Variants in EHBP1 observed in about 807,000 individuals in gnomAD.
EHBP1 encodes the protein EH domain binding protein 1, also known as EH domain-binding protein 1.
EHBP1 carries 55 observed loss-of-function variants against 144.0 expected under a neutral mutation model. The observed-to-expected ratio is 0.38, with a 90% confidence interval of 0.31 to 0.48. The LOEUF (loss-of-function observed/expected upper bound fraction) is 0.48, where lower values mean the gene tolerates loss of function less well. EHBP1 is among the 20% of genes least tolerant of loss of function. The pLI is 0.98. For missense variants in EHBP1, 1,200 were observed against 1,364.2 expected, an observed-to-expected ratio of 0.88 and a Z score of 1.90; for synonymous variants, 469 against 472.7, an observed-to-expected ratio of 0.99 and a Z score of 0.10.
chr2:62,992,357 C>T (rs1159327510), intron 16 of EHBP1, among the ~76,000 whole-genome samples: 1 of 151,834 alleles, frequency 6.6e-6, no homozygotes, highest in Non-Finnish European at 1.5e-5. Flanking sequence ...CATTAGATAA[C>T]TTTAAAAAAA....
intron 10 of EHBP1, among the ~76,000 whole-genome samples, chr2:62,911,009 C>T (rs926771404): frequency 7.2e-5 from 11 of 152,140 alleles, no homozygotes; most frequent in Admixed American, 3.9e-4. Context: ...ATTCAGGTCC[C>T]GGCTTTCATA....
chr2:62,678,065 T>C (rs1184251199), intron 1 of EHBP1, among the ~76,000 whole-genome samples: 3 of 152,204 alleles, frequency 2.0e-5, no homozygotes, highest in African/African-American at 7.2e-5. Flanking sequence ...CCAAATGTTG[T>C]CCACAGTGGT....
chr2:62,928,840 CAAAAAAA>C (rs760426482), intron 10 of EHBP1, among the ~76,000 whole-genome samples: 2 of 65,262 alleles, frequency 3.1e-5, no homozygotes, highest in East Asian at 4.3e-4. Context: ...AGACTAAGAA[CAAAAAAA>C]AAAAAAAAAG....
intron 19 of EHBP1, among the ~76,000 whole-genome samples, chr2:63,035,698 C>G (rs1461924849): frequency 6.6e-6 from 1 of 152,022 alleles, no homozygotes; most frequent in African/African-American, 2.4e-5. Context: ...ATCATAAAAT[C>G]TACACCTATT....
At chr2:62,943,107 C>T (rs543759135) in intron 11 of EHBP1, among the ~76,000 whole-genome samples, 56 of 152,074 alleles carry the variant, frequency 3.7e-4, no homozygotes, top group Non-Finnish European at 5.6e-4. Context: ...CTGGGCGTGG[C>T]GGCTCACGCC....
intron 5 of EHBP1, among the ~76,000 whole-genome samples, chr2:62,810,114 A>T (rs995405288): frequency 3.9e-5 from 6 of 152,242 alleles, no homozygotes; most frequent in African/African-American, 1.4e-4. Flanking sequence ...TTTTTAAAAG[A>T]CTAGAGAAAA....
At chr2:62,795,542 T>A (rs2043478056) in intron 5 of EHBP1, among the ~76,000 whole-genome samples, 2 of 152,060 alleles carry the variant, frequency 1.3e-5, no homozygotes, top group Admixed American at 6.6e-5. Flanking sequence ...AGTTCCACTG[T>A]ACCCACCACT....
At chr2:62,859,391 AT>A in intron 8 of EHBP1, 100 bp downstream of exon 8, 1 of 1,128,854 alleles carries the variant, frequency 8.9e-7, no homozygotes. Context: ...CACACAAAAA[AT>A]TATTGTTTAT....
chr2:62,948,660 C>T lies in EHBP1; in HGVS notation c.1814C>T (p.Ala605Val), dbSNP rs766249241. The change falls in exon 13 of 23, where the codon GCC (alanine) becomes GTC (valine). Residue 605 changes from alanine to valine, a missense_variant. Coordinates refer to ENST00000431489, the MANE Select transcript of EHBP1 (RefSeq NM_001142616.3). ...GATGATCACCTTAGTCCAAGCACAG[C>T]CTCCCCTTACTGTCGCAGGACTAAA... The part of the protein sequence containing the change: ...TPDDHLSPST[A>V]SPYCRRTKSD... 5 of 1,613,958 alleles carry T rather than the reference C, an allele frequency of 3.1e-6. No homozygotes were observed. In the South Asian group the frequency reaches 4.4e-5, roughly 14 times the overall value.
chr2:62,893,584 A>G (rs2052629764), intron 10 of EHBP1, among the ~76,000 whole-genome samples: 1 of 152,262 alleles, frequency 6.6e-6, no homozygotes, highest in African/African-American at 2.4e-5. Context: ...AGAAATGTTT[A>G]TTAATGATAA....
At chr2:62,789,897 T>C (rs1331950855) in intron 5 of EHBP1, among the ~76,000 whole-genome samples, 2 of 152,242 alleles carry the variant, frequency 1.3e-5, no homozygotes, top group Non-Finnish European at 2.9e-5. Context: ...AACCCCTTTC[T>C]GATGCCAGTT....
intron 18 of EHBP1, 125 bp from the exon 19 acceptor site, chr2:62,996,518 G>C: frequency 8.4e-7 from 1 of 1,188,236 alleles, no homozygotes; most frequent in Non-Finnish European, 1.2e-6. Flanking sequence ...TTGCTTTTTG[G>C]TACTAAGGGT....
intron 13 of EHBP1, among the ~76,000 whole-genome samples, chr2:62,951,043 A>G (rs1243902473): frequency 1.3e-5 from 2 of 152,236 alleles, no homozygotes; most frequent in African/African-American, 4.8e-5. Context: ...CTTCCAAGTC[A>G]GTATACTGAT....
intron 6 of EHBP1, among the ~76,000 whole-genome samples, chr2:62,830,503 T>C (rs56078239): frequency 0.11 from 17,399 of 152,220 alleles, 1,327 homozygotes; most frequent in Non-Finnish European, 0.16. Flanking sequence ...TTTCATTTTT[T>C]ACTTGTTCAT....
chr2:62,961,398 A>G lies in EHBP1; in HGVS notation c.2460+5738A>G, dbSNP rs149101954. 6.1e-3 allele frequency among the ~76,000 whole-genome samples: 926 copies of G among 152,242 alleles called. 11 individuals are homozygous for G. The highest frequency in any genetic ancestry group is 0.021 in the African/African-American group (872 of 41,556). ...TCATTTGCTCCCTGAAATTATGTCT[A>G]TGGGAGACAGATTTCATTGCTCTGG... On this transcript the variant is annotated intron_variant, in intron 14 of 22. Transcript: ENST00000431489.
At chr2:62,727,791 C>T (rs142830007) in intron 2 of EHBP1, among the ~76,000 whole-genome samples, 1 of 152,290 alleles carries the variant, frequency 6.6e-6, no homozygotes, top group East Asian at 1.9e-4. Flanking sequence ...ATCACAGGCT[C>T]TTTGGCTCCC....
intron 1 of EHBP1, among the ~76,000 whole-genome samples, chr2:62,687,822 A>T (rs963042364): frequency 6.6e-6 from 1 of 152,212 alleles, no homozygotes; most frequent in East Asian, 1.9e-4. Context: ...GTGTGTCCTT[A>T]TAAAGTATGA....
At chr2:62,773,574 T>C (rs1317005762) in intron 5 of EHBP1, among the ~76,000 whole-genome samples, 1 of 151,952 alleles carries the variant, frequency 6.6e-6, no homozygotes, top group Non-Finnish European at 1.5e-5. Context: ...ATTATTCTTT[T>C]TAAGAGAAAA....
intron 10 of EHBP1, among the ~76,000 whole-genome samples, chr2:62,927,730 T>G (rs1356673460): frequency 6.6e-6 from 1 of 152,110 alleles, no homozygotes; most frequent in Non-Finnish European, 1.5e-5. Flanking sequence ...ATTAGGAAAG[T>G]AGAGGACTTG....
Sources: allele counts gnomAD v4.1 joint callset (sites outside exome capture counted in the v4.1 genomes callset), GRCh38; gene constraint gnomAD v4.1.1; transcripts MANE v1.5; gene names NCBI Gene and HGNC (gene_info 2026-07-23, HGNC 2026-07-21).